The following GABRB1 variants were observed in gnomAD, a reference collection of about 807,000 sequenced individuals.
GABRB1 encodes gamma-aminobutyric acid receptor subunit beta-1.
Under a neutral mutation model 51.6 loss-of-function variants are expected in GABRB1, and 17 were observed. The ratio of observed to expected loss-of-function variants is 0.33; its 90% CI spans 0.23 to 0.49. GABRB1 has a LOEUF of 0.49. GABRB1 is among the 20% of genes least tolerant of loss of function. GABRB1 has a pLI of 0.99. For missense variants in GABRB1, 410 were observed against 600.6 expected (o/e 0.68, Z 3.32); for synonymous variants, 247 against 218.9 (o/e 1.13, Z -1.14).
chr4:47,355,876 A>T (rs548994086), intron 5 of GABRB1, among the ~76,000 whole-genome samples: 3 of 152,310 alleles, frequency 2.0e-5, no homozygotes, highest in African/African-American at 7.2e-5. Context: ...CCACAGCTCT[A>T]CAACTTTCTA....
intron 4 of GABRB1, among the ~76,000 whole-genome samples, chr4:47,235,568 A>G (rs1013086028): frequency 6.6e-6 from 1 of 151,912 alleles, no homozygotes; most frequent in African/African-American, 2.4e-5. Context: ...CAAAAAAAAA[A>G]AACTAGGTTC....
chr4:47,281,902 C>T (rs1723306098), intron 4 of GABRB1, among the ~76,000 whole-genome samples: 1 of 152,048 alleles, frequency 6.6e-6, no homozygotes, highest in Middle Eastern at 3.4e-3. Context: ...TGGAGAAAGA[C>T]AAAATGTTGA....
intron 4 of GABRB1, among the ~76,000 whole-genome samples, chr4:47,299,114 T>G (rs1431128182): frequency 6.6e-6 from 1 of 151,832 alleles, no homozygotes; most frequent in African/African-American, 2.4e-5. Context: ...ATTTAAATGT[T>G]AGACCTAAAA....
At chr4:47,403,744 A>G (rs369134097) in intron 7 of GABRB1, 33 bp downstream of exon 7, 27 of 1,595,010 alleles carry the variant, frequency 1.7e-5, no homozygotes, top group African/African-American at 4.0e-5. Context: ...GAGAGCTAAC[A>G]GATTTTACTT....
intron 4 of GABRB1, among the ~76,000 whole-genome samples, chr4:47,204,654 A>G (rs1018474198): frequency 2.0e-5 from 3 of 152,076 alleles, no homozygotes; most frequent in Non-Finnish European, 4.4e-5. Flanking sequence ...TCCTATTCTC[A>G]TAGTGAATGG....
chr4:47,363,835 T>C (rs1443124286), intron 5 of GABRB1, among the ~76,000 whole-genome samples: 3 of 152,140 alleles, frequency 2.0e-5, no homozygotes, highest in African/African-American at 7.2e-5. Flanking sequence ...AATACCACCC[T>C]GGGATGTACT....
intron 5 of GABRB1, among the ~76,000 whole-genome samples, chr4:47,363,936 A>G (rs771903187): frequency 6.6e-6 from 1 of 152,220 alleles, no homozygotes; most frequent in Non-Finnish European, 1.5e-5. Context: ...TTCCCAGAAC[A>G]CTTAATCAGG....
At chr4:47,032,995 C>G (rs1725403315) in intron 3 of GABRB1, 1 of 330,608 alleles carries the variant, frequency 3.0e-6, no homozygotes, top group Non-Finnish European at 6.0e-6. Context: ...GGTTCAGGCA[C>G]ACCTGGTGGC....
At chr4:47,236,070 G>A (rs570722793) in intron 4 of GABRB1, among the ~76,000 whole-genome samples, 41 of 151,962 alleles carry the variant, frequency 2.7e-4, no homozygotes, top group African/African-American at 9.9e-4. Flanking sequence ...TGGACAATAT[G>A]TTTCAGATGT....
chr4:47,006,871 T>C (rs1724417384), intron 1 of GABRB1, among the ~76,000 whole-genome samples: 1 of 152,174 alleles, frequency 6.6e-6, no homozygotes, highest in Non-Finnish European at 1.5e-5. Context: ...AGATAAACTT[T>C]AGGCTGGGGA....
chr4:47,228,219 G>A (rs574960770), intron 4 of GABRB1, among the ~76,000 whole-genome samples: 2 of 152,198 alleles, frequency 1.3e-5, no homozygotes, highest in East Asian at 1.9e-4. Flanking sequence ...CAATATCATA[G>A]TATGAGTGAG....
intron 5 of GABRB1, among the ~76,000 whole-genome samples, chr4:47,368,282 C>T (rs145099148): frequency 5.3e-5 from 8 of 152,292 alleles, no homozygotes; most frequent in Non-Finnish European, 8.8e-5. Flanking sequence ...CTCCTGGCCA[C>T]GTCCCTAGTT....
intron 3 of GABRB1, among the ~76,000 whole-genome samples, chr4:47,091,401 T>C (rs1434842962): frequency 6.6e-6 from 1 of 152,166 alleles, no homozygotes; most frequent in Non-Finnish European, 1.5e-5. Context: ...AGCATAATTA[T>C]AAATATGTAA....
intron 4 of GABRB1, among the ~76,000 whole-genome samples, chr4:47,269,730 G>A (rs1007962040): frequency 5.3e-5 from 8 of 151,970 alleles, no homozygotes; most frequent in African/African-American, 1.7e-4. Flanking sequence ...TGTCGGGGAT[G>A]ATACACTATG....
At chr4:47,263,344 A>T (rs539840529) in intron 4 of GABRB1, among the ~76,000 whole-genome samples, 2 of 152,194 alleles carry the variant, frequency 1.3e-5, no homozygotes, top group East Asian at 3.9e-4. Flanking sequence ...AAAATAACCC[A>T]TCGGATAGCC....
chr4:47,040,451 G>A (rs1725790661), intron 3 of GABRB1, among the ~76,000 whole-genome samples: 1 of 152,050 alleles, frequency 6.6e-6, no homozygotes, highest in African/African-American at 2.4e-5. Context: ...TTGGATGACA[G>A]GGGTTAGAGA....
At chr4:47,077,992 TA>T (rs1188676848) in intron 3 of GABRB1, among the ~76,000 whole-genome samples, 10 of 133,514 alleles carry the variant, frequency 7.5e-5, no homozygotes, top group East Asian at 2.1e-4. Flanking sequence ...ATATAATATA[TA>T]ATATATATAT....
chr4:47,351,951 T>C (rs1450405413), intron 5 of GABRB1, among the ~76,000 whole-genome samples: 1 of 151,992 alleles, frequency 6.6e-6, no homozygotes, highest in East Asian at 1.9e-4. Flanking sequence ...GGTCAAATGG[T>C]ATTTCTAGTT....
intron 4 of GABRB1, among the ~76,000 whole-genome samples, chr4:47,308,919 A>G (rs1394593050): frequency 1.3e-5 from 2 of 152,134 alleles, no homozygotes; most frequent in Admixed American, 6.5e-5. Flanking sequence ...CCAAGAAACT[A>G]TTGCTATCGT....
Sources: allele counts gnomAD v4.1 joint callset (sites outside exome capture counted in the v4.1 genomes callset), GRCh38; gene constraint gnomAD v4.1.1; transcripts MANE v1.5; gene names NCBI Gene and HGNC (gene_info 2026-07-23, HGNC 2026-07-21).